Variants in TSHZ2 observed in about 807,000 individuals in gnomAD.
TSHZ2 encodes the protein teashirt homolog 2.
A neutral mutation model predicts 74.4 loss-of-function variants in TSHZ2; 21 were observed. The observed-to-expected ratio is 0.28, with a 90% CI of 0.20 to 0.41. The LOEUF (loss-of-function observed/expected upper bound fraction) is 0.41. TSHZ2 is among the 10% of genes least tolerant of loss of function. The pLI is 1.00. For missense variants in TSHZ2, 1,244 were observed against 1,293.5 expected (o/e 0.96, Z 0.59); for synonymous variants, 540 against 515.3 (o/e 1.05, Z -0.65).
intron 1 of TSHZ2, among the ~76,000 whole-genome samples, chr20:53,117,920 C>A (rs1986713940): frequency 6.6e-6 from 1 of 152,166 alleles, no homozygotes; most frequent in African/African-American, 2.4e-5. Context: ...TGAAATGGCA[C>A]CTGGATGTAA....
At chr20:53,383,253 ACT>A (rs1006338377) in intron 2 of TSHZ2, among the ~76,000 whole-genome samples, 2 of 146,208 alleles carry the variant, frequency 1.4e-5, no homozygotes, top group African/African-American at 2.6e-5. Context: ...ACAAAGAGAA[ACT>A]CTGTCTCAAA....
chr20:53,352,699 G>C (rs2145589019), intron 2 of TSHZ2, among the ~76,000 whole-genome samples: 1 of 151,458 alleles, frequency 6.6e-6, no homozygotes, highest in Non-Finnish European at 1.5e-5. Context: ...GCTTGAACTT[G>C]GGAGGCGGAG....
At chr20:53,478,790 A>T (rs13036327) in intron 2 of TSHZ2, among the ~76,000 whole-genome samples, 30,640 of 151,966 alleles carry the variant, frequency 0.2, 3,275 homozygotes, top group East Asian at 0.29. Flanking sequence ...GCATTTTATA[A>T]CTTCCTTTTA....
intron 1 of TSHZ2, among the ~76,000 whole-genome samples, chr20:53,003,938 C>G (rs1421171942): frequency 6.6e-6 from 1 of 151,496 alleles, no homozygotes; most frequent in Admixed American, 6.6e-5. Flanking sequence ...TGTGCACACT[C>G]ATACCACATG....
chr20:53,408,536 C>T (rs1426537038), intron 2 of TSHZ2, among the ~76,000 whole-genome samples: 1 of 152,166 alleles, frequency 6.6e-6, no homozygotes, highest in Admixed American at 6.5e-5. Flanking sequence ...TAAGTGACTT[C>T]TTGAAATACA....
chr20:53,144,355 G>A (rs1357264571), intron 1 of TSHZ2, among the ~76,000 whole-genome samples: 1 of 152,182 alleles, frequency 6.6e-6, no homozygotes, highest in Non-Finnish European at 1.5e-5. Context: ...TATAAACTAA[G>A]TTCCTCCCAA....
At chr20:53,246,561 A>T (rs989679610) in intron 1 of TSHZ2, among the ~76,000 whole-genome samples, 1 of 152,024 alleles carries the variant, frequency 6.6e-6, no homozygotes, top group Non-Finnish European at 1.5e-5. Context: ...TCAGCATCCA[A>T]CTTCTCTCCA....
chr20:53,260,376 A>G (rs1435873501), intron 2 of TSHZ2, among the ~76,000 whole-genome samples: 2 of 152,218 alleles, frequency 1.3e-5, no homozygotes, highest in Admixed American at 6.5e-5. Context: ...TCTGAGCCTC[A>G]CTCATTCATT....
chr20:53,073,102 A>G, intron 1 of TSHZ2, among the ~76,000 whole-genome samples: 1 of 139,082 alleles, frequency 7.2e-6, no homozygotes, highest in East Asian at 2.1e-4. Context: ...CCCTCCTTCC[A>G]TCCATCCCTC....
chr20:52,974,444 G>A (rs2054325635), intron 1 of TSHZ2, among the ~76,000 whole-genome samples: 1 of 152,136 alleles, frequency 6.6e-6, no homozygotes, highest in Admixed American at 6.5e-5. Context: ...TTTAATGTGG[G>A]CGTTTTTATT....
chr20:53,135,307 C>A lies in TSHZ2; in HGVS notation c.41-118192C>A, dbSNP rs529071727. Among the ~76,000 whole-genome samples, 3 of 152,290 alleles carry A rather than the reference C, an allele frequency of 2.0e-5. No homozygotes were observed. The East Asian group carries it at 5.8e-4, about 29-fold the overall frequency. ...TGCTTCCCTCTCCAGTCACACCCTCCTCCTACCCTACTCCCGGTCAACCTT... is the reference window on the plus strand; with the variant it reads ...TGCTTCCCTCTCCAGTCACACCCTCATCCTACCCTACTCCCGGTCAACCTT... On this transcript the variant is annotated intron_variant, in intron 1 of 2. Transcript: ENST00000371497.
At chr20:53,273,471 T>G (rs1386930776) in intron 2 of TSHZ2, 1 of 152,322 alleles carries the variant, frequency 6.6e-6, no homozygotes, top group Non-Finnish European at 1.5e-5. Flanking sequence ...GTATTTTTAG[T>G]GGAGACAGGG....
intron 1 of TSHZ2, among the ~76,000 whole-genome samples, chr20:53,020,549 A>G (rs1600649759): frequency 6.6e-6 from 1 of 152,214 alleles, no homozygotes; most frequent in Admixed American, 6.6e-5. Context: ...TTTTGGCCCC[A>G]TAAAGAGGTC....
At chr20:53,416,255 C>T (rs10485445) in intron 2 of TSHZ2, among the ~76,000 whole-genome samples, 18,217 of 152,172 alleles carry the variant, frequency 0.12, 1,347 homozygotes, top group Non-Finnish European at 0.17. Flanking sequence ...CAGGTCTTAG[C>T]GGTCATCAGG....
intron 1 of TSHZ2, among the ~76,000 whole-genome samples, chr20:53,039,496 T>C: frequency 6.6e-6 from 1 of 152,188 alleles, no homozygotes; most frequent in Non-Finnish European, 1.5e-5. Flanking sequence ...TTGACACTGC[T>C]CTAGGCACTG....
At chr20:53,083,838 A>AT (rs11483186) in intron 1 of TSHZ2, among the ~76,000 whole-genome samples, 11,087 of 151,836 alleles carry the variant, frequency 0.073, 931 homozygotes, top group African/African-American at 0.2. Context: ...GGGAATGTCT[A>AT]TTTTTTTTAT....
intron 2 of TSHZ2, among the ~76,000 whole-genome samples, chr20:53,347,702 A>G (rs1980493189): frequency 6.6e-6 from 1 of 152,122 alleles, no homozygotes; most frequent in Non-Finnish European, 1.5e-5. Context: ...TTTGTTGCAT[A>G]GGTAAACATG....
chr20:53,159,251 G>A (rs1293408), intron 1 of TSHZ2, among the ~76,000 whole-genome samples: 64,908 of 152,098 alleles, frequency 0.43, 15,726 homozygotes, highest in African/African-American at 0.67. Flanking sequence ...CTGAGCCTGT[G>A]TTTTTGTCTT....
chr20:53,331,462 C>G (rs1213399248), intron 2 of TSHZ2, among the ~76,000 whole-genome samples: 1 of 152,090 alleles, frequency 6.6e-6, no homozygotes, highest in Non-Finnish European at 1.5e-5. Flanking sequence ...GAACCAAAAT[C>G]CTGATACCAG....
Sources: gnomAD v4.1 joint callset for allele counts (sites outside exome capture counted in the v4.1 genomes callset) on GRCh38, gnomAD v4.1.1 for gene constraint, MANE v1.5 for transcripts, NCBI Gene and HGNC (gene_info 2026-07-23, HGNC 2026-07-21) for gene names.